The following MINPP1 variants were observed in gnomAD, a reference collection of about 807,000 sequenced individuals.
MINPP1 encodes multiple inositol polyphosphate phosphatase 1.
A neutral mutation model predicts 46.1 loss-of-function variants in MINPP1; 28 were observed. The ratio of observed to expected loss-of-function variants is 0.61; its 90% CI spans 0.45 to 0.83. The LOEUF is 0.83. Among genes scored for constraint, MINPP1 ranks in the 40% least tolerant of loss-of-function variants. The probability of loss-of-function intolerance (pLI) is 0.00; values close to 1 mark genes in which losing one functional copy is unlikely to be tolerated. For synonymous variants in MINPP1, 268 were observed against 249.1 expected (o/e 1.08, Z -0.72); for missense variants, 603 against 610.0 (o/e 0.99, Z 0.12).
intron 3 of MINPP1, among the ~76,000 whole-genome samples, chr10:87,517,265 A>G (rs1397817761): frequency 1.3e-5 from 2 of 152,226 alleles, no homozygotes; most frequent in South Asian, 2.1e-4. Context: ...TTGTGTTGTG[A>G]AAAGGTTTAC....
Position 87,547,865 on chromosome 10 carries a change from A to G in MINPP1, c.1068-4217A>G, listed in dbSNP as rs79617347. Among the ~76,000 whole-genome samples the G allele has an allele frequency of 2.6e-4, 40 of 152,252 alleles. 1 individual carries two copies. In the East Asian group the frequency reaches 7.1e-3, roughly 27 times the overall value. On this transcript the variant is annotated intron_variant, in intron 4 of 4. Transcript: ENST00000371996. ...GATTGATGGCTCTGTGGCAAACACT[A>G]CCATAGAGCCATCGATCAATATGTG...
intron 4 of MINPP1, among the ~76,000 whole-genome samples, chr10:87,532,032 A>G (rs1210448500): frequency 6.6e-6 from 1 of 152,198 alleles, no homozygotes; most frequent in East Asian, 1.9e-4. Context: ...TATTGGTATT[A>G]TATGTGATAG....
At chr10:87,530,992 C>A (rs1428811363) in intron 4 of MINPP1, among the ~76,000 whole-genome samples, 1 of 152,180 alleles carries the variant, frequency 6.6e-6, no homozygotes, top group Non-Finnish European at 1.5e-5. Context: ...GGGCATGGGA[C>A]CCTCCGAGCC....
chr10:87,505,435 T>C lies in MINPP1; in HGVS notation c.520T>C (p.Tyr174His). 1 of 1,613,352 alleles carries C rather than the reference T, an allele frequency of 6.2e-7. No individual in the cohort carries two copies. Among genetic ancestry groups the C allele is most frequent in the South Asian group, 1.1e-5 (1 of 91,052 alleles). ...CCCGGCCCTTTTCAGCCGTGAGAAC[T>C]ACGGCCGCCTGCGGCTCATCACCAG... ...LFPALFSRENYGRLRLITSSK... is the reference protein window; with the variant it reads ...LFPALFSRENHGRLRLITSSK... The change falls in exon 1 of 5, where the codon TAC (tyrosine) becomes CAC (histidine). Residue 174 changes from tyrosine to histidine, a missense_variant. Transcript: ENST00000371996. This position sits in a 1 kb window ranked among gnomAD's most constrained non-coding sequence, Gnocchi z 4.4.
At chr10:87,548,557 A>T (rs556357663) in intron 4 of MINPP1, among the ~76,000 whole-genome samples, 1 of 152,218 alleles carries the variant, frequency 6.6e-6, no homozygotes, top group Non-Finnish European at 1.5e-5. Context: ...CACAAAGGGT[A>T]AAAGTAAAAA....
chr10:87,543,030 A>G (rs1851838295), intron 4 of MINPP1, among the ~76,000 whole-genome samples: 1 of 152,190 alleles, frequency 6.6e-6, no homozygotes, highest in African/African-American at 2.4e-5. Context: ...AGTGAAGTCT[A>G]GGCTGATGAG....
chr10:87,521,249 T>C, intron 4 of MINPP1, 80 bp downstream of exon 4: 1 of 1,145,010 alleles, frequency 8.7e-7, no homozygotes, highest in South Asian at 1.4e-5. Flanking sequence ...TGAGTAATTT[T>C]AAAAAATAGT....
chr10:87,510,443 A>G (rs542323769), intron 2 of MINPP1, among the ~76,000 whole-genome samples: 1 of 152,210 alleles, frequency 6.6e-6, no homozygotes, highest in African/African-American at 2.4e-5. Flanking sequence ...CCATCATCGA[A>G]TTTTACTGCT....
intron 4 of MINPP1, among the ~76,000 whole-genome samples, chr10:87,525,617 T>C (rs755477842): frequency 2.8e-4 from 43 of 152,240 alleles, no homozygotes; most frequent in African/African-American, 1.0e-3. Flanking sequence ...TACATATGTA[T>C]ACATGTGCCA....
At chr10:87,534,535 CA>C (rs1851706364) in intron 4 of MINPP1, among the ~76,000 whole-genome samples, 2 of 151,446 alleles carry the variant, frequency 1.3e-5, no homozygotes, top group African/African-American at 2.5e-5. Context: ...TACCTTTGTA[CA>C]TTTTTTTTTA....
intron 4 of MINPP1, among the ~76,000 whole-genome samples, chr10:87,550,545 AT>A (rs1406494493): frequency 1.3e-5 from 2 of 152,106 alleles, no homozygotes; most frequent in African/African-American, 4.8e-5. Flanking sequence ...TATGGAAGTT[AT>A]TCTGCTCCTT....
At position 87,552,514 on chromosome 10, in the gene MINPP1, G is replaced by T. The variant is rs751971503; in HGVS notation, c.*36G>T. On this transcript the variant is annotated 3_prime_UTR_variant, in exon 5 of 5. Transcript: ENST00000371996. ...AACATTTTTAATTCTTTAGGAATCT[G>T]CAATGAGTGATTACATGCTTGTAAT... 1.9e-6 allele frequency: 3 copies of T among 1,595,210 alleles called. No homozygotes were observed. In the East Asian group the frequency reaches 6.7e-5, roughly 36 times the overall value.
At chr10:87,520,864 C>T (rs1490263346) in intron 3 of MINPP1, among the ~76,000 whole-genome samples, 172 bp from the exon 4 acceptor site, 1 of 152,074 alleles carries the variant, frequency 6.6e-6, no homozygotes, top group Non-Finnish European at 1.5e-5. Flanking sequence ...ATAAATCTCT[C>T]TGTGGTATGA....
At chr10:87,529,760 G>T (rs980864338) in intron 4 of MINPP1, among the ~76,000 whole-genome samples, 12 of 152,138 alleles carry the variant, frequency 7.9e-5, no homozygotes, top group Non-Finnish European at 1.0e-4. Flanking sequence ...TGCCTTGCTA[G>T]GTTGGGGAAG....
At chr10:87,547,710 T>G (rs1273176745) in intron 4 of MINPP1, among the ~76,000 whole-genome samples, 1 of 152,212 alleles carries the variant, frequency 6.6e-6, no homozygotes, top group African/African-American at 2.4e-5. Context: ...ACTAATATTT[T>G]AGGAGAACTG....
At chr10:87,514,310 A>G (rs1247647559) in intron 3 of MINPP1, among the ~76,000 whole-genome samples, 2 of 152,220 alleles carry the variant, frequency 1.3e-5, no homozygotes, top group African/African-American at 2.4e-5. Context: ...ACCACAATAC[A>G]GAATACTATA....
chr10:87,533,944 A>G (rs934285054), intron 4 of MINPP1, among the ~76,000 whole-genome samples: 1 of 152,040 alleles, frequency 6.6e-6, no homozygotes, highest in Non-Finnish European at 1.5e-5. Flanking sequence ...TGTTTTTGCC[A>G]ACTTTTTGAA....
At chr10:87,517,394 G>C (rs914438343) in intron 3 of MINPP1, among the ~76,000 whole-genome samples, 1 of 152,132 alleles carries the variant, frequency 6.6e-6, no homozygotes, top group African/African-American at 2.4e-5. Flanking sequence ...TTGAAGCAAA[G>C]GGGCAAGCGG....
intron 1 of MINPP1, among the ~76,000 whole-genome samples, chr10:87,507,596 A>G (rs1170681862): frequency 6.6e-6 from 1 of 152,162 alleles, no homozygotes; most frequent in Admixed American, 6.5e-5. Flanking sequence ...TTCGTGGTAA[A>G]TTGTTGGAGA....
Sources: gnomAD v4.1 joint callset for allele counts (sites outside exome capture counted in the v4.1 genomes callset) on GRCh38, gnomAD v4.1.1 for gene constraint, Gnocchi (gnomAD v3.1) non-coding constraint, MANE v1.5 for transcripts, NCBI Gene and HGNC (gene_info 2026-07-23, HGNC 2026-07-21) for gene names.